The following MRPS35 variants were observed in gnomAD, a reference collection of about 807,000 sequenced individuals.
MRPS35 encodes mitochondrial ribosomal protein S35, also known as small ribosomal subunit protein mS35.
Under a neutral mutation model 32.7 loss-of-function variants are expected in MRPS35, and 29 were observed. The observed-to-expected ratio is 0.89, with a 90% CI of 0.66 to 1.21. The LOEUF (loss-of-function observed/expected upper bound fraction) is 1.21, where lower values mean the gene tolerates loss of function less well. Ranked by LOEUF, MRPS35 falls within the 50% of genes most tolerant of loss-of-function variation. MRPS35 has a pLI of 0.00. For missense variants in MRPS35, 373 were observed against 383.8 expected (o/e 0.97, Z 0.23); for synonymous variants, 148 against 139.3 (o/e 1.06, Z -0.44).
intron 1 of MRPS35, among the ~76,000 whole-genome samples, chr12:27,714,091 AAAAG>A (rs1476327709): frequency 1.6e-4 from 24 of 150,112 alleles, no homozygotes; most frequent in South Asian, 8.5e-4. Flanking sequence ...AAAAAAAAAA[AAAAG>A]AAAGAAAGAG....
intron 7 of MRPS35, among the ~76,000 whole-genome samples, chr12:27,750,179 T>G (rs980944812): frequency 4.6e-5 from 7 of 152,244 alleles, no homozygotes; most frequent in African/African-American, 1.4e-4. Context: ...TTGGATTAGG[T>G]GATGCTGCTA....
intron 6 of MRPS35, 96 bp downstream of exon 6, chr12:27,735,652 G>A: frequency 1.2e-6 from 1 of 858,428 alleles, no homozygotes; most frequent in Non-Finnish European, 1.9e-6. Context: ...TATTGAAGAT[G>A]GGGGAGGGCG....
At chr12:27,713,760 T>C (rs1486586899) in intron 1 of MRPS35, among the ~76,000 whole-genome samples, 1 of 152,102 alleles carries the variant, frequency 6.6e-6, no homozygotes, top group Middle Eastern at 3.2e-3. Flanking sequence ...ACCACATGTC[T>C]ATGTATTCCT....
intron 5 of MRPS35, among the ~76,000 whole-genome samples, chr12:27,733,778 G>A (rs1235593537): frequency 1.3e-5 from 2 of 152,148 alleles, no homozygotes; most frequent in Non-Finnish European, 2.9e-5. Flanking sequence ...GTCTAATTGA[G>A]AGTTAATAGT....
intron 5 of MRPS35, among the ~76,000 whole-genome samples, chr12:27,727,607 A>C (rs1299333661): frequency 6.6e-6 from 1 of 152,122 alleles, no homozygotes; most frequent in East Asian, 1.9e-4. Context: ...AAATATTGTT[A>C]AGTGGCGTAT....
chr12:27,712,175 T>TG (rs1320605061), intron 1 of MRPS35, among the ~76,000 whole-genome samples: 1 of 151,862 alleles, frequency 6.6e-6, no homozygotes, highest in Non-Finnish European at 1.5e-5. Flanking sequence ...CTTTGGGGTA[T>TG]GGGGAACTAT....
chr12:27,726,876 C>A (rs1021569391), intron 5 of MRPS35, among the ~76,000 whole-genome samples: 1 of 151,580 alleles, frequency 6.6e-6, no homozygotes, highest in African/African-American at 2.4e-5. Context: ...TTCTGGACAC[C>A]AGTCCCAGTC....
chr12:27,736,550 T>A (rs1026771095), intron 6 of MRPS35, among the ~76,000 whole-genome samples: 2 of 152,126 alleles, frequency 1.3e-5, no homozygotes. Flanking sequence ...GGATATGTTT[T>A]ATGGTAACTA....
chr12:27,735,109 C>G (rs547451947), intron 5 of MRPS35, among the ~76,000 whole-genome samples: 2 of 152,284 alleles, frequency 1.3e-5, no homozygotes, highest in South Asian at 4.1e-4. Flanking sequence ...TTTCTATATT[C>G]CAACTTAACT....
In MRPS35 at chr12:27,756,050, A is replaced by G. The variant is rs578059368; in HGVS notation, c.*600A>G. 6.6e-6 allele frequency: 1 copy of G among 152,262 alleles called. No individual in the cohort carries two copies. Among genetic ancestry groups the G allele is most frequent in the Non-Finnish European group, 1.5e-5 (1 of 68,060 alleles). 9.4% of individuals were successfully genotyped at this position (152,262 alleles called of 1,614,324 possible). ...AGGGCCAAGCTACCAGAAAAGTAGA[A>G]GTGGAGATTACCTGGTATGTATCTC... On this transcript the variant is annotated 3_prime_UTR_variant, in exon 8 of 8. Coordinates refer to ENST00000081029, the MANE Select transcript of MRPS35 (RefSeq NM_021821.4).
intron 5 of MRPS35, 67 bp from the exon 6 acceptor site, chr12:27,735,380 T>G: frequency 8.3e-7 from 1 of 1,200,026 alleles, no homozygotes; most frequent in Non-Finnish European, 1.2e-6. Context: ...GGAATAACAT[T>G]GCTACCTTTT....
chr12:27,744,569 T>C (rs1012594569), intron 7 of MRPS35, among the ~76,000 whole-genome samples: 16 of 152,248 alleles, frequency 1.1e-4, no homozygotes, highest in African/African-American at 2.7e-4. Flanking sequence ...TAATAGAATC[T>C]ATATTCTAAA....
intron 7 of MRPS35, 129 bp from the exon 8 acceptor site, chr12:27,755,052 C>T (rs1159207397): frequency 2.7e-6 from 3 of 1,106,836 alleles, no homozygotes; most frequent in Non-Finnish European, 3.8e-6. Context: ...GGCCTCTCCA[C>T]ATTTTGCAAA....
chr12:27,733,079 T>G (rs1231071934), intron 5 of MRPS35, among the ~76,000 whole-genome samples: 1 of 142,370 alleles, frequency 7.0e-6, no homozygotes, highest in African/African-American at 2.6e-5. Flanking sequence ...AGTGTTATTT[T>G]GGGGATAATG....
intron 5 of MRPS35, among the ~76,000 whole-genome samples, chr12:27,734,352 C>T (rs1184789977): frequency 6.6e-6 from 1 of 151,372 alleles, no homozygotes; most frequent in East Asian, 1.9e-4. Flanking sequence ...AAGTGATTCT[C>T]TTGCCTCAGC....
chr12:27,738,912 A>AATT (rs1392577135), intron 7 of MRPS35, among the ~76,000 whole-genome samples: 1 of 148,272 alleles, frequency 6.7e-6, no homozygotes, highest in Non-Finnish European at 1.5e-5. Flanking sequence ...TTTACTGAGA[A>AATT]CTTTTTTTTT....
chr12:27,734,947 T>C (rs1183744465), intron 5 of MRPS35, among the ~76,000 whole-genome samples: 3 of 152,236 alleles, frequency 2.0e-5, no homozygotes, highest in South Asian at 2.1e-4. Context: ...TCCCTGATGC[T>C]GTATTCCAGC....
At chr12:27,716,534 C>T in intron 3 of MRPS35, 76 bp downstream of exon 3, 1 of 1,471,334 alleles carries the variant, frequency 6.8e-7, no homozygotes, top group Non-Finnish European at 9.5e-7. Flanking sequence ...TTTCTGCTCT[C>T]TTATGCTTCA....
At chr12:27,726,189 C>T (rs2061899937) in intron 5 of MRPS35, among the ~76,000 whole-genome samples, 1 of 151,978 alleles carries the variant, frequency 6.6e-6, no homozygotes, top group Admixed American at 6.6e-5. Context: ...TCCTCAAGCC[C>T]CTTTTAGCCA....
Sources: allele counts gnomAD v4.1 joint callset (sites outside exome capture counted in the v4.1 genomes callset), GRCh38; gene constraint gnomAD v4.1.1; transcripts MANE v1.5; gene names NCBI Gene and HGNC (gene_info 2026-07-23, HGNC 2026-07-21).